ECD: variants seen among roughly 807,000 people sequenced by gnomAD.
The protein encoded by ECD is ecdysoneless cell cycle regulator.
A neutral mutation model predicts 77.2 loss-of-function variants in ECD; 59 were observed. The ratio of observed to expected loss-of-function variants is 0.76; its 90% CI spans 0.62 to 0.95. ECD has a LOEUF of 0.95. Ranked by LOEUF, ECD falls within the 40% of genes least tolerant of loss-of-function variation. The pLI, the probability that ECD is intolerant of heterozygous loss-of-function variation, is 0.00. For synonymous variants in ECD, 233 were observed against 267.4 expected (o/e 0.87, Z 1.26); for missense variants, 704 against 763.4 (o/e 0.92, Z 0.92).
In ECD at chr10:73,139,625, A is replaced by G; in HGVS notation, c.1234+6T>C. 1 of 1,603,108 alleles carries G rather than the reference A, an allele frequency of 6.2e-7. No homozygotes were observed. Among genetic ancestry groups the G allele is most frequent in the South Asian group, 1.1e-5 (1 of 89,186 alleles). Reference sequence around the variant, plus strand: ...CCCTTCCACTGTATCCTGGTCCATCACTTACCATCCTCTGGGGGAAGATTA... The same window carrying G: ...CCCTTCCACTGTATCCTGGTCCATCGCTTACCATCCTCTGGGGGAAGATTA... On this transcript the variant is annotated splice_donor_region_variant and intron_variant, in intron 10 of 13. Transcript: ENST00000372979.
At chr10:73,154,171 C>G (rs1843261619) in intron 6 of ECD, 85 bp downstream of exon 6, 1 of 1,345,472 alleles carries the variant, frequency 7.4e-7, no homozygotes. Context: ...TCACTGAGCA[C>G]TGAGAAATGT....
At chr10:73,145,026 C>A (rs1843105393) in intron 9 of ECD, among the ~76,000 whole-genome samples, 1 of 151,906 alleles carries the variant, frequency 6.6e-6, no homozygotes, top group East Asian at 1.9e-4. Flanking sequence ...TCACATGTAC[C>A]CCATAAATAT....
chr10:73,136,137 T>TA (rs1842971386), intron 13 of ECD, among the ~76,000 whole-genome samples: 1 of 152,234 alleles, frequency 6.6e-6, no homozygotes, highest in Non-Finnish European at 1.5e-5. Context: ...CTTTCCATAA[T>TA]ACCTCTGTTT....
At chr10:73,153,073 G>A (rs1461256143) in intron 6 of ECD, among the ~76,000 whole-genome samples, 3 of 151,968 alleles carry the variant, frequency 2.0e-5, no homozygotes, top group Non-Finnish European at 4.4e-5. Flanking sequence ...CTGGAGTGCA[G>A]TGAGCAATCA....
intron 3 of ECD, among the ~76,000 whole-genome samples, chr10:73,157,606 C>T (rs1490981900): frequency 6.6e-6 from 1 of 151,362 alleles, no homozygotes; most frequent in African/African-American, 2.4e-5. Flanking sequence ...CCTGTAATCC[C>T]AGCTACTCGG....
At chr10:73,157,536 T>A (rs1799305203) in intron 3 of ECD, among the ~76,000 whole-genome samples, 1 of 150,456 alleles carries the variant, frequency 6.6e-6, no homozygotes, top group African/African-American at 2.4e-5. Flanking sequence ...CTGACCAACA[T>A]GGAGAAACCC....
At chr10:73,153,318 C>T (rs539666751) in intron 6 of ECD, among the ~76,000 whole-genome samples, 103 of 152,212 alleles carry the variant, frequency 6.8e-4, no homozygotes, top group African/African-American at 2.3e-3. Flanking sequence ...GTCTCAAACA[C>T]GTGGGTTCAA....
intron 2 of ECD, among the ~76,000 whole-genome samples, chr10:73,160,866 A>G (rs893755305): frequency 6.6e-6 from 1 of 152,198 alleles, no homozygotes; most frequent in Non-Finnish European, 1.5e-5. Flanking sequence ...GAAAAATGGA[A>G]AAGTATGTGC....
intron 7 of ECD, among the ~76,000 whole-genome samples, chr10:73,151,689 T>A (rs1197233389): frequency 6.6e-6 from 1 of 152,176 alleles, no homozygotes; most frequent in Non-Finnish European, 1.5e-5. Context: ...AAATTAAAGG[T>A]CACCTGTATT....
rs1180575438 is a variant in ECD, at chr10:73,134,624, T to C, written c.1894A>G (p.Asn632Asp). 6.2e-7 allele frequency: 1 copy of C among 1,614,250 alleles called. No individual in the cohort carries two copies. Among genetic ancestry groups the C allele is most frequent in the East Asian group, 2.2e-5 (1 of 44,892 alleles). Residue 632 changes from asparagine (N) to aspartate (D), a missense_variant, in exon 14 of 14, where the codon AAC becomes GAC. By Grantham distance (23) the Asn-to-Asp change is conservative. Transcript: ENST00000372979. ...TTACTTGTTGGTCTGTGATCGGTGTTGTCAGGCAGCTGCACTCCCATGCTT... is the reference window on the plus strand; with the variant it reads ...TTACTTGTTGGTCTGTGATCGGTGTCGTCAGGCAGCTGCACTCCCATGCTT... Reference protein sequence around the residue: ...LQSMGVQLPDNTDHRPTSKPT... With the variant: ...LQSMGVQLPDDTDHRPTSKPT...
At position 73,134,691 on chromosome 10, in the gene ECD, G is replaced by C. The variant is rs754277869; in HGVS notation, c.1827C>G (p.Ser609Arg). ...NLVSNILESY[S>R]SQAGLAGPAS... ...CAGGTCCTGCCAGTCCAGCTTGGGA[G>C]CTATAGGATTCCAATATATTTGAAA... Residue 609 changes from serine (S) to arginine (R), a missense_variant, in exon 14 of 14, where the codon AGC (serine) becomes AGG (arginine). Coordinates refer to ENST00000372979, the MANE Select transcript of ECD (RefSeq NM_007265.3). The C allele has an allele frequency of 6.2e-7, 1 of 1,614,178 alleles. No individual in the cohort carries two copies. The highest frequency in any genetic ancestry group is 1.3e-5 in the African/African-American group (1 of 75,048).
intron 1 of ECD, among the ~76,000 whole-genome samples, chr10:73,166,277 G>T (rs560998087): frequency 6.6e-6 from 1 of 152,028 alleles, no homozygotes; most frequent in East Asian, 1.9e-4. Flanking sequence ...ATAGTGCTGC[G>T]ATAAACATGG....
chr10:73,159,039 T>C (rs2133271183), intron 3 of ECD, among the ~76,000 whole-genome samples: 1 of 152,348 alleles, frequency 6.6e-6, no homozygotes, highest in South Asian at 2.1e-4. Context: ...TTGGTAATTG[T>C]TGAAGCTGGA....
intron 11 of ECD, 132 bp from the exon 12 acceptor site, chr10:73,138,202 A>G: frequency 1.6e-6 from 1 of 642,720 alleles, no homozygotes; most frequent in Non-Finnish European, 2.4e-6. Flanking sequence ...GAAAAGTTGT[A>G]GTTTAAGTTT....
intron 8 of ECD, 117 bp downstream of exon 8, chr10:73,148,154 CTCCTT>C: frequency 7.9e-7 from 1 of 1,258,110 alleles, no homozygotes; most frequent in South Asian, 1.8e-5. Context: ...CTAGAAAGGT[CTCCTT>C]TAAGTCTAGC....
chr10:73,162,875 A>G (rs1282470127), intron 2 of ECD, among the ~76,000 whole-genome samples: 1 of 152,380 alleles, frequency 6.6e-6, no homozygotes, highest in Admixed American at 6.5e-5. Context: ...CATCATGCCT[A>G]GCAGAGGAGC....
intron 8 of ECD, among the ~76,000 whole-genome samples, chr10:73,147,476 G>A (rs1427141089): frequency 6.6e-6 from 1 of 152,004 alleles, no homozygotes; most frequent in Non-Finnish European, 1.5e-5. Context: ...CTTGAACCTA[G>A]GAGGTAGAGG....
At chr10:73,136,628 A>G in intron 13 of ECD, 76 bp downstream of exon 13, 1 of 1,366,618 alleles carries the variant, frequency 7.3e-7, no homozygotes, top group Admixed American at 2.2e-5. Flanking sequence ...AAAAAAAGAA[A>G]AACTATGATA....
chr10:73,160,431 TACCTTGCTACTA>T lies in ECD; in HGVS notation c.314_323+2del, dbSNP rs1843360741. On this transcript the variant is annotated splice_donor_variant and coding_sequence_variant, in exon 3 of 14. Transcript: ENST00000372979. LOFTEE classifies it high-confidence loss of function. ...TTTAGAATAATTAAAATAACTACAATACCTTGCTACTAACTCTGGAAATTCCTTTGTGATCTG... is the reference window on the plus strand; with the variant it reads ...TTTAGAATAATTAAAATAACTACAATACTCTGGAAATTCCTTTGTGATCTG... 6.4e-7 allele frequency: 1 copy of T among 1,570,228 alleles called. No individual in the cohort carries two copies. The highest frequency in any genetic ancestry group is 8.7e-7 in the Non-Finnish European group (1 of 1,155,226).
Sources: gnomAD v4.1 joint callset for allele counts (sites outside exome capture counted in the v4.1 genomes callset) on GRCh38, gnomAD v4.1.1 for gene constraint, MANE v1.5 for transcripts, NCBI Gene and HGNC (gene_info 2026-07-23, HGNC 2026-07-21) for gene names.